ACACA: variants seen among roughly 807,000 people sequenced by gnomAD.
The protein encoded by ACACA is acetyl-CoA carboxylase 1.
ACACA carries 103 observed loss-of-function variants against 296.1 expected under a neutral mutation model. The observed-to-expected ratio is 0.35, with a 90% CI of 0.30 to 0.41. The LOEUF is 0.41. ACACA is among the 10% of genes least tolerant of loss of function. The pLI, the probability that ACACA is intolerant of heterozygous loss-of-function variation, is 1.00. For synonymous variants in ACACA, 953 were observed against 1,038.6 expected, an observed-to-expected ratio of 0.92 and a Z score of 1.58; for missense variants, 1,554 against 2,989.7, an observed-to-expected ratio of 0.52 and a Z score of 11.20.
chr17:37,227,757 G>A (rs1320218268), intron 25 of ACACA, among the ~76,000 whole-genome samples: 2 of 151,682 alleles, frequency 1.3e-5, no homozygotes, highest in African/African-American at 4.8e-5. Context: ...CTACTCAGGA[G>A]GCTGAGGCAG....
intron 1 of ACACA, among the ~76,000 whole-genome samples, chr17:37,359,551 C>A (rs977606583): frequency 6.6e-6 from 1 of 152,108 alleles, no homozygotes. Flanking sequence ...GTGGGGGAAG[C>A]GGTCCCGCAT....
Position 37,245,097 on chromosome 17 carries a change from G to T in ACACA, c.2578C>A (p.Pro860Thr). The T allele has an allele frequency of 6.2e-7, 1 of 1,614,162 alleles. No homozygotes were observed. The highest frequency in any genetic ancestry group is 1.1e-5 in the South Asian group (1 of 91,078). Reference protein sequence around the residue: ...CVLAKMQLDNPSKVQQAELHT... With the variant: ...CVLAKMQLDNTSKVQQAELHT... Reference sequence around the variant, plus strand: ...CTACTCACCTGCTGAACCTTGCTGGGGTTGTCCAGTTGCATTTTGGCTAGT... The same window carrying T: ...CTACTCACCTGCTGAACCTTGCTGGTGTTGTCCAGTTGCATTTTGGCTAGT... Residue 860 changes from proline to threonine, a missense_variant, in exon 20 of 56, where the codon CCC (proline) becomes ACC (threonine). This residue lies in a region of ACACA where 316 missense variants were observed against 540.9 expected (regional missense o/e 0.58). Coordinates refer to ENST00000616317, the MANE Select transcript of ACACA (RefSeq NM_198834.3).
intron 47 of ACACA, among the ~76,000 whole-genome samples, chr17:37,127,010 G>T (rs975642469): frequency 6.6e-6 from 1 of 152,140 alleles, no homozygotes; most frequent in Non-Finnish European, 1.5e-5. Flanking sequence ...GAAGTCACTC[G>T]ATTTGGGAGC....
intron 41 of ACACA, among the ~76,000 whole-genome samples, chr17:37,173,873 G>A (rs980928495): frequency 3.4e-5 from 5 of 145,412 alleles, no homozygotes; most frequent in African/African-American, 1.0e-4. Flanking sequence ...GAGTGCAGTC[G>A]TGCGATCTTG....
At chr17:37,359,120 C>A (rs1388006686) in intron 1 of ACACA, 9 of 985,362 alleles carry the variant, frequency 9.1e-6, no homozygotes, top group Non-Finnish European at 1.1e-5. Flanking sequence ...CAGGCCGGCC[C>A]GGCACACGGA....
chr17:37,113,007 T>A lies in ACACA; in HGVS notation c.6452+81A>T. 1.3e-6 allele frequency: 2 copies of A among 1,545,986 alleles called. No individual in the cohort carries two copies. Among genetic ancestry groups the A allele is most frequent in the Non-Finnish European group, 1.8e-6 (2 of 1,124,332 alleles). On this transcript the variant is annotated intron_variant, in intron 51 of 55. Coordinates refer to ENST00000616317, the MANE Select transcript of ACACA (RefSeq NM_198834.3). This position sits in a 1 kb window ranked among gnomAD's most constrained non-coding sequence, Gnocchi z 4.0. ...ACAGGATGTGGGTGCTGTAGTGCCA[T>A]GGCTGTAACATTCTCCAGGAGGAAA...
intron 1 of ACACA, among the ~76,000 whole-genome samples, chr17:37,361,390 C>G (rs1167512855): frequency 6.6e-6 from 1 of 152,090 alleles, no homozygotes. Flanking sequence ...TCTGCAAAAC[C>G]AGGGATTTAC....
At chr17:37,126,397 T>C (rs1379443754) in intron 47 of ACACA, among the ~76,000 whole-genome samples, 2 of 152,186 alleles carry the variant, frequency 1.3e-5, no homozygotes, top group African/African-American at 2.4e-5. Flanking sequence ...TCTTGACAGA[T>C]AGTAAAAATA....
intron 1 of ACACA, among the ~76,000 whole-genome samples, chr17:37,381,852 C>T (rs972729668): frequency 2.0e-5 from 3 of 151,850 alleles, no homozygotes; most frequent in Non-Finnish European, 2.9e-5. Context: ...TGGTCTCGAT[C>T]GCCTGACCTT....
chr17:37,374,414 G>A (rs1269880392), intron 1 of ACACA, among the ~76,000 whole-genome samples: 1 of 151,572 alleles, frequency 6.6e-6, no homozygotes, highest in Non-Finnish European at 1.5e-5. Context: ...AGCCTCCCAA[G>A]TAGCTGGGAT....
intron 42 of ACACA, among the ~76,000 whole-genome samples, chr17:37,160,658 T>TA (rs2076423792): frequency 6.6e-6 from 1 of 152,166 alleles, no homozygotes; most frequent in Non-Finnish European, 1.5e-5. Context: ...AAACACTCTG[T>TA]AAAAGCACAG....
chr17:37,270,678 T>C, intron 10 of ACACA, 73 bp downstream of exon 10: 1 of 1,164,430 alleles, frequency 8.6e-7, no homozygotes, highest in East Asian at 2.3e-5. Context: ...GCATCCAAAT[T>C]ATAGTATGAG....
chr17:37,180,930 A>G (rs1426696722), intron 40 of ACACA, among the ~76,000 whole-genome samples: 1 of 152,226 alleles, frequency 6.6e-6, no homozygotes, highest in African/African-American at 2.4e-5. Flanking sequence ...ACTGTAAACT[A>G]TCACCACAAG....
chr17:37,205,699 G>T, intron 33 of ACACA, 66 bp downstream of exon 33: 1 of 1,222,382 alleles, frequency 8.2e-7, no homozygotes. Flanking sequence ...ACTGATAAAA[G>T]GATAGCTATG....
rs767803117 is a variant in ACACA, at chr17:37,226,349, C to T, written c.3350G>A (p.Arg1117Gln). ...SKTTNAKVALRARQVLIASHL... is the reference protein window; with the variant it reads ...SKTTNAKVALQARQVLIASHL... Reference sequence around the variant, plus strand: ...AACAAATGTCCTTACCTGGCGTGCTCGAAGTGCTACTTTGGCATTGGTGGT... The same window carrying T: ...AACAAATGTCCTTACCTGGCGTGCTTGAAGTGCTACTTTGGCATTGGTGGT... The change falls in exon 26 of 56, where the codon CGA (arginine) becomes CAA (glutamine). Residue 1117 changes from arginine to glutamine, a missense_variant. Transcript: ENST00000616317. 10 of 1,613,618 alleles carry T rather than the reference C, an allele frequency of 6.2e-6. No individual in the cohort carries two copies. The highest frequency in any genetic ancestry group is 5.9e-6 in the Non-Finnish European group (7 of 1,179,684).
chr17:37,230,106 C>T (rs940048581), intron 25 of ACACA, among the ~76,000 whole-genome samples: 4 of 149,756 alleles, frequency 2.7e-5, no homozygotes, highest in East Asian at 2.0e-4. Context: ...TAAATAAGGC[C>T]GGGTGCGGTG....
chr17:37,212,946 T>C (rs1460153590), intron 29 of ACACA, among the ~76,000 whole-genome samples: 1 of 149,270 alleles, frequency 6.7e-6, no homozygotes, highest in South Asian at 2.1e-4. Flanking sequence ...GGGAAGAGAT[T>C]GTATACGAGT....
chr17:37,198,451 T>C (rs1032772697), intron 35 of ACACA, among the ~76,000 whole-genome samples: 4 of 152,228 alleles, frequency 2.6e-5, no homozygotes, highest in African/African-American at 9.6e-5. Context: ...GGCCTGGCTC[T>C]GGCATGTCTA....
intron 45 of ACACA, chr17:37,143,998 G>A (rs2075710728): frequency 1.1e-5 from 9 of 810,956 alleles, no homozygotes; most frequent in Non-Finnish European, 2.0e-5. Context: ...GAAGAACGCT[G>A]AAGGAAGCCT....
Sources: gnomAD v4.1 joint callset for allele counts (sites outside exome capture counted in the v4.1 genomes callset) on GRCh38, gnomAD v4.1.1 for gene constraint, gnomAD v4.1.1 regional missense constraint, Gnocchi (gnomAD v3.1) non-coding constraint, MANE v1.5 for transcripts, NCBI Gene and HGNC (gene_info 2026-07-23, HGNC 2026-07-21) for gene names.